The following DPP6 variants were observed in gnomAD, a reference collection of about 807,000 sequenced individuals.
DPP6 encodes the protein dipeptidyl peptidase like 6.
DPP6 carries 69 observed loss-of-function variants against 122.6 expected under a neutral mutation model. The observed-to-expected ratio is 0.56, with a 90% CI of 0.46 to 0.69. The LOEUF is 0.69. Among genes scored for constraint, DPP6 ranks in the 30% least tolerant of loss-of-function variants. The pLI is 0.00. For missense variants in DPP6, 928 were observed against 1,116.9 expected (o/e 0.83, Z 2.41); for synonymous variants, 418 against 433.1 (o/e 0.97, Z 0.43).
At chr7:154,698,856 G>T (rs1010359283) in intron 7 of DPP6, among the ~76,000 whole-genome samples, 2 of 152,220 alleles carry the variant, frequency 1.3e-5, no homozygotes, top group Non-Finnish European at 2.9e-5. Context: ...TCTGAGCTGG[G>T]TTCTGTGATT....
chr7:154,517,893 C>T (rs905235954), intron 3 of DPP6, among the ~76,000 whole-genome samples: 6 of 152,160 alleles, frequency 3.9e-5, no homozygotes, highest in African/African-American at 1.4e-4. Flanking sequence ...ATCGTTTACC[C>T]TACACCTCCA....
chr7:154,737,513 G>T (rs1291799364), intron 8 of DPP6, among the ~76,000 whole-genome samples: 2 of 151,662 alleles, frequency 1.3e-5, no homozygotes, highest in Admixed American at 6.6e-5. Flanking sequence ...TAATATTTTT[G>T]ATCTGCATTT....
chr7:154,294,036 C>T (rs77770335), intron 1 of DPP6, among the ~76,000 whole-genome samples: 6,822 of 152,250 alleles, frequency 0.045, 230 homozygotes, highest in Non-Finnish European at 0.065. Flanking sequence ...ATCTCATTAA[C>T]TTTGGTGCAC....
At position 154,875,894 on chromosome 7, in the gene DPP6, T is replaced by G; in HGVS notation, c.1884-12T>G. ...CGCAGCAGGCCTGCTGAGCCCGGGA[T>G]TCTCTTTCCAGGGATGGCACCCCAG... is the stretch of plus-strand genomic sequence containing the variant. On this transcript the variant is annotated splice_polypyrimidine_tract_variant and intron_variant, in intron 19 of 25. Coordinates refer to ENST00000377770, the MANE Select transcript of DPP6 (RefSeq NM_130797.4). This position sits in a 1 kb window ranked among gnomAD's most constrained non-coding sequence, Gnocchi z 4.5. 1 of 1,602,634 alleles carries G rather than the reference T, an allele frequency of 6.2e-7. No individual in the cohort carries two copies. Among genetic ancestry groups the G allele is most frequent in the Non-Finnish European group, 8.5e-7 (1 of 1,175,030 alleles).
At chr7:154,208,106 A>G (rs965949954) in intron 1 of DPP6, among the ~76,000 whole-genome samples, 2 of 152,228 alleles carry the variant, frequency 1.3e-5, no homozygotes, top group African/African-American at 4.8e-5. Context: ...AAAGAAAGAA[A>G]AATAAACAAC....
the DPP6 span, among the ~76,000 whole-genome samples, chr7:153,850,914 C>G: frequency 6.6e-6 from 1 of 152,192 alleles, no homozygotes; most frequent in African/African-American, 2.4e-5. Context: ...AGACATCACA[C>G]AAGTGCATAT....
chr7:154,889,364 A>G lies in DPP6; in HGVS notation c.2377+20A>G. ...CCGATGGTAAGGACTGAAAACATGA[A>G]TTCACTGTGTATCTAGTAAGAGCCT... is the stretch of plus-strand genomic sequence containing the variant. On this transcript the variant is annotated intron_variant, in intron 24 of 25. Transcript: ENST00000377770. 6.2e-7 allele frequency: 1 copy of G among 1,611,366 alleles called. No homozygotes were observed. The highest frequency in any genetic ancestry group is 1.1e-5 in the South Asian group (1 of 90,406).
intron 1 of DPP6, chr7:154,058,091 AT>A (rs1801031613): frequency 7.1e-6 from 1 of 140,974 alleles, no homozygotes; most frequent in African/African-American, 2.6e-5. Flanking sequence ...GGAGGGAGGC[AT>A]CCCCCATGAG....
the DPP6 span, among the ~76,000 whole-genome samples, chr7:153,798,103 A>T: frequency 3.9e-5 from 6 of 152,110 alleles, no homozygotes; most frequent in East Asian, 9.7e-4. Context: ...CGGCCTCCCA[A>T]AGTGCTGGGA....
chr7:154,581,766 G>A (rs1263347266), intron 5 of DPP6, among the ~76,000 whole-genome samples: 1 of 152,226 alleles, frequency 6.6e-6, no homozygotes, highest in Non-Finnish European at 1.5e-5. Context: ...ATCGCTCCTG[G>A]AGTGGGAAGG....
the DPP6 span, among the ~76,000 whole-genome samples, chr7:153,773,264 C>CGTGTGTGTGTGTGTGTGTGTGTGTGTGT: frequency 2.3e-5 from 3 of 132,458 alleles, no homozygotes; most frequent in South Asian, 2.6e-4. Flanking sequence ...TCTTTTCTTT[C>CGTGTGTGTGTGTGTGTGTGTGTGTGTGT]GTGTGTGTGT....
chr7:153,853,982 T>C, the DPP6 span, among the ~76,000 whole-genome samples: 2 of 149,238 alleles, frequency 1.3e-5, no homozygotes, highest in East Asian at 3.9e-4. Context: ...GTTTTAGGTC[T>C]AACGTTTAAA....
At chr7:154,436,880 T>C (rs1237562896) in intron 1 of DPP6, among the ~76,000 whole-genome samples, 1 of 152,230 alleles carries the variant, frequency 6.6e-6, no homozygotes, top group African/African-American at 2.4e-5. Flanking sequence ...GTTTGCCCAC[T>C]GTGGAACTTT....
chr7:154,231,135 C>G (rs188965676), intron 1 of DPP6, among the ~76,000 whole-genome samples: 2 of 152,280 alleles, frequency 1.3e-5, no homozygotes, highest in Non-Finnish European at 2.9e-5. Context: ...TAGAACCCTC[C>G]CACATTCTTG....
At chr7:154,167,805 A>C (rs760711255) in intron 1 of DPP6, among the ~76,000 whole-genome samples, 1 of 152,214 alleles carries the variant, frequency 6.6e-6, no homozygotes, top group Non-Finnish European at 1.5e-5. Context: ...TAATTTTGCT[A>C]AACCCTACAA....
intron 8 of DPP6, among the ~76,000 whole-genome samples, chr7:154,768,886 C>A (rs976482396): frequency 6.6e-6 from 1 of 152,178 alleles, no homozygotes; most frequent in African/African-American, 2.4e-5. Context: ...AAGGAGCATG[C>A]TGGGCCTTTG....
At chr7:153,767,512 T>G in the DPP6 span, among the ~76,000 whole-genome samples, 1 of 149,336 alleles carries the variant, frequency 6.7e-6, no homozygotes, top group African/African-American at 2.5e-5. Context: ...GGATTACAGG[T>G]GCCTACCATA....
chr7:154,665,722 AC>A (rs1327201947), intron 6 of DPP6, among the ~76,000 whole-genome samples: 1 of 151,964 alleles, frequency 6.6e-6, no homozygotes, highest in African/African-American at 2.4e-5. Flanking sequence ...ATGTATACTA[AC>A]CCATGGACAC....
Position 154,305,246 on chromosome 7 carries a change from T to TA in DPP6, c.244-140966dup, listed in dbSNP as rs574023107. 1,133 of 1,257,274 alleles carry TA rather than the reference T, an allele frequency of 9.0e-4. 37 individuals carry two copies. In the East Asian group the frequency reaches 0.029, roughly 32 times the overall value. 77.9% of individuals were successfully genotyped at this position (1,257,274 alleles called of 1,614,324 possible). On this transcript the variant is annotated intron_variant, in intron 1 of 25. Coordinates refer to ENST00000377770, the MANE Select transcript of DPP6 (RefSeq NM_130797.4). Reference sequence around the variant, plus strand: ...CTGTGGCGATTGCAGAGGCTGTTGCTAATTGGAGAAGCCCCACTAAGCAGC... The same window carrying TA: ...CTGTGGCGATTGCAGAGGCTGTTGCTAAATTGGAGAAGCCCCACTAAGCAGC...
Sources: allele counts gnomAD v4.1 joint callset (sites outside exome capture counted in the v4.1 genomes callset), GRCh38; gene constraint gnomAD v4.1.1; non-coding constraint Gnocchi (gnomAD v3.1); transcripts MANE v1.5; gene names NCBI Gene and HGNC (gene_info 2026-07-23, HGNC 2026-07-21).